GRIK1: variants seen among roughly 807,000 people sequenced by gnomAD.
GRIK1 encodes the protein glutamate ionotropic receptor kainate type subunit 1.
In GRIK1, 69 loss-of-function variants were observed where a neutral mutation model predicts 105.7. The ratio of observed to expected loss-of-function variants is 0.65; its 90% CI spans 0.54 to 0.80. The LOEUF (loss-of-function observed/expected upper bound fraction) is 0.80. Ranked by LOEUF, GRIK1 falls within the 30% of genes least tolerant of loss-of-function variation. GRIK1 has a pLI of 0.00. For synonymous variants in GRIK1, 438 were observed against 431.3 expected, an observed-to-expected ratio of 1.02 and a Z score of -0.19; for missense variants, 1,109 against 1,167.3, an observed-to-expected ratio of 0.95 and a Z score of 0.73.
At chr21:29,755,642 A>G (rs1176472134) in intron 1 of GRIK1, among the ~76,000 whole-genome samples, 5 of 152,164 alleles carry the variant, frequency 3.3e-5, no homozygotes, top group African/African-American at 1.2e-4. Flanking sequence ...AGGCAGGTGG[A>G]AGAGTGCAAT....
chr21:29,874,578 C>T (rs2069127854), intron 1 of GRIK1, among the ~76,000 whole-genome samples: 1 of 152,202 alleles, frequency 6.6e-6, no homozygotes, highest in South Asian at 2.1e-4. Context: ...TTCCCAGTTC[C>T]TAACAGGCCA....
chr21:29,900,366 G>C (rs963915778), intron 1 of GRIK1, among the ~76,000 whole-genome samples: 22 of 150,368 alleles, frequency 1.5e-4, no homozygotes, highest in African/African-American at 5.4e-4. Context: ...AGACCCATTG[G>C]TGTGCTGTAT....
At chr21:29,824,502 G>A (rs1215691040) in intron 1 of GRIK1, among the ~76,000 whole-genome samples, 4 of 151,932 alleles carry the variant, frequency 2.6e-5, no homozygotes, top group African/African-American at 9.7e-5. Flanking sequence ...TATGGGAAGT[G>A]GGCAAGGAGG....
At chr21:29,724,429 C>A (rs1174410359) in intron 1 of GRIK1, among the ~76,000 whole-genome samples, 1 of 152,162 alleles carries the variant, frequency 6.6e-6, no homozygotes, top group African/African-American at 2.4e-5. Context: ...TGGAAATCCT[C>A]ACTCTCATCT....
At chr21:29,781,809 T>C (rs999936207) in intron 1 of GRIK1, among the ~76,000 whole-genome samples, 1 of 148,550 alleles carries the variant, frequency 6.7e-6, no homozygotes, top group Admixed American at 6.7e-5. Flanking sequence ...TAGCTGGGAC[T>C]ACAGGCGCCC....
chr21:29,733,779 C>A (rs1254270789), intron 1 of GRIK1, among the ~76,000 whole-genome samples: 5 of 152,026 alleles, frequency 3.3e-5, no homozygotes, highest in African/African-American at 1.2e-4. Flanking sequence ...GGTAAATATT[C>A]CCATGATTGC....
chr21:29,578,151 C>A (rs2090939506), intron 13 of GRIK1, among the ~76,000 whole-genome samples: 1 of 152,166 alleles, frequency 6.6e-6, no homozygotes, highest in African/African-American at 2.4e-5. Context: ...TGGATTTTGG[C>A]TTGTTCATCT....
intron 1 of GRIK1, among the ~76,000 whole-genome samples, chr21:29,769,499 A>C (rs1002628955): frequency 6.6e-6 from 1 of 152,148 alleles, no homozygotes; most frequent in African/African-American, 2.4e-5. Context: ...ATCAGGTATT[A>C]GATTCTCATA....
chr21:29,646,207 A>G (rs762489990), intron 6 of GRIK1, among the ~76,000 whole-genome samples: 1 of 152,174 alleles, frequency 6.6e-6, no homozygotes, highest in Non-Finnish European at 1.5e-5. Context: ...CTGGTTACTA[A>G]GTAACTAAGG....
Position 29,561,746 on chromosome 21 carries a change from G to A in GRIK1, c.2234C>T (p.Thr745Ile), listed in dbSNP as rs2090485859. ...NSDEGIQRVL[T>I]TDYALLMEST... ...CTCCATCAGCAGCGCGTAGTCTGTGGTGAGCACTCTCTGGATCCCCTCATC... is the reference window on the plus strand; with the variant it reads ...CTCCATCAGCAGCGCGTAGTCTGTGATGAGCACTCTCTGGATCCCCTCATC... Residue 745 changes from threonine (T) to isoleucine (I), a missense_variant, in exon 15 of 18, where the codon ACC (threonine) becomes ATC (isoleucine). By Grantham distance (89) the Thr-to-Ile change is moderately conservative. Coordinates refer to ENST00000327783, the MANE Select transcript of GRIK1 (RefSeq NM_001330994.2). The A allele has an allele frequency of 3.7e-6, 6 of 1,613,628 alleles. No individual in the cohort carries two copies. Among genetic ancestry groups the A allele is most frequent in the African/African-American group, 2.7e-5 (2 of 75,020 alleles).
intron 1 of GRIK1, among the ~76,000 whole-genome samples, chr21:29,881,291 C>T (rs764395958): frequency 9.2e-5 from 14 of 151,990 alleles, no homozygotes; most frequent in Admixed American, 6.6e-5. Context: ...TTCTAAAATG[C>T]AGTTGGGTAT....
chr21:29,713,447 C>T (rs1453219847), intron 1 of GRIK1, among the ~76,000 whole-genome samples: 1 of 151,796 alleles, frequency 6.6e-6, no homozygotes. Flanking sequence ...AGAAATATTG[C>T]CTAATATTAT....
intron 1 of GRIK1, among the ~76,000 whole-genome samples, chr21:29,700,828 T>C (rs989622197): frequency 6.6e-6 from 1 of 152,132 alleles, no homozygotes; most frequent in Non-Finnish European, 1.5e-5. Context: ...TACCCTCTTC[T>C]TCCCAAAAGG....
At chr21:29,813,975 C>A (rs1225592051) in intron 1 of GRIK1, among the ~76,000 whole-genome samples, 1 of 145,636 alleles carries the variant, frequency 6.9e-6, no homozygotes, top group Non-Finnish European at 1.5e-5. Flanking sequence ...AGTGCAGTGG[C>A]ATGATCTTGG....
At chr21:29,773,659 A>G (rs2065869474) in intron 1 of GRIK1, among the ~76,000 whole-genome samples, 1 of 152,120 alleles carries the variant, frequency 6.6e-6, no homozygotes, top group African/African-American at 2.4e-5. Context: ...CTCGTACACC[A>G]TAGCTCATCT....
chr21:29,552,105 T>C (rs1359608505), intron 16 of GRIK1, among the ~76,000 whole-genome samples: 1 of 152,096 alleles, frequency 6.6e-6, no homozygotes, highest in African/African-American at 2.4e-5. Context: ...AAATATACAG[T>C]TGATTGGAGA....
At chr21:29,935,527 A>T (rs1011112361) in intron 1 of GRIK1, among the ~76,000 whole-genome samples, 1 of 152,216 alleles carries the variant, frequency 6.6e-6, no homozygotes, top group African/African-American at 2.4e-5. Flanking sequence ...AACTAAAAAC[A>T]TTACTTGGAA....
intron 7 of GRIK1, among the ~76,000 whole-genome samples, chr21:29,600,071 C>A (rs1356580512): frequency 1.3e-5 from 2 of 152,162 alleles, no homozygotes; most frequent in Non-Finnish European, 2.9e-5. Flanking sequence ...GGCGACAGAG[C>A]AAGACTCCGT....
At chr21:29,734,962 C>G (rs2064751236) in intron 1 of GRIK1, among the ~76,000 whole-genome samples, 1 of 152,184 alleles carries the variant, frequency 6.6e-6, no homozygotes, top group East Asian at 1.9e-4. Context: ...ATTGCCTGCT[C>G]TCCAACCTAA....
Sources: gnomAD v4.1 joint callset for allele counts (sites outside exome capture counted in the v4.1 genomes callset) on GRCh38, gnomAD v4.1.1 for gene constraint, MANE v1.5 for transcripts, NCBI Gene and HGNC (gene_info 2026-07-23, HGNC 2026-07-21) for gene names.